Variants in UGDH observed in about 807,000 individuals in gnomAD.
UGDH encodes UDP-Glc dehydrogenase.
A neutral mutation model predicts 50.6 loss-of-function variants in UGDH; 38 were observed. The ratio of observed to expected loss-of-function variants is 0.75; its 90% CI spans 0.58 to 0.98. UGDH has a LOEUF of 0.98. Ranked by LOEUF, UGDH falls within the 50% of genes least tolerant of loss-of-function variation. The probability of loss-of-function intolerance (pLI) is 0.00; values close to 1 mark genes in which losing one functional copy is unlikely to be tolerated. For synonymous variants in UGDH, 168 were observed against 199.9 expected (o/e 0.84, Z 1.35); for missense variants, 465 against 606.2 (o/e 0.77, Z 2.45).
intron 2 of UGDH, among the ~76,000 whole-genome samples, chr4:39,520,845 G>T (rs145217440): frequency 0.016 from 2,395 of 151,664 alleles, 27 homozygotes; most frequent in South Asian, 0.037. Context: ...AGGCCGGGGC[G>T]GGCAGATCAC....
chr4:39,500,653 C>CT (rs11284301), intron 11 of UGDH, among the ~76,000 whole-genome samples: 21,951 of 135,112 alleles, frequency 0.16, 2,003 homozygotes, highest in Middle Eastern at 0.28. Context: ...GCATAATTCT[C>CT]TTTTTTTTTT....
At position 39,514,389 on chromosome 4, in the gene UGDH, G is replaced by T. The variant is rs1466293283; in HGVS notation, c.163-205C>A. Among the ~76,000 whole-genome samples the T allele has an allele frequency of 2.6e-5, 4 of 152,132 alleles. No homozygotes were observed. In the South Asian group the frequency reaches 8.3e-4, roughly 32 times the overall value. On this transcript the variant is annotated intron_variant, in intron 2 of 11. Transcript: ENST00000316423. The stretch of plus-strand genomic sequence containing the variant: ...ATCTCATTTTTTAAATAGGGACAGG[G>T]TCTCACTCTGTCACCCAGGCTGGAG...
intron 11 of UGDH, among the ~76,000 whole-genome samples, chr4:39,503,002 C>G (rs141841474): frequency 6.6e-6 from 1 of 152,108 alleles, no homozygotes; most frequent in Non-Finnish European, 1.5e-5. Flanking sequence ...CTGCAACCTC[C>G]GCCTCCCAGG....
At chr4:39,505,503 T>C (rs1261405810) in intron 8 of UGDH, 115 bp downstream of exon 8, 3 of 1,111,408 alleles carry the variant, frequency 2.7e-6, no homozygotes, top group Non-Finnish European at 3.5e-6. Flanking sequence ...TTTATTTTTA[T>C]TCTTTATATT....
At chr4:39,523,461 G>C (rs1335262126) in intron 1 of UGDH, among the ~76,000 whole-genome samples, 1 of 152,060 alleles carries the variant, frequency 6.6e-6, no homozygotes, top group African/African-American at 2.4e-5. Context: ...TATTCTATTT[G>C]AATCTGTATT....
intron 10 of UGDH, among the ~76,000 whole-genome samples, 157 bp downstream of exon 10, chr4:39,504,260 A>T (rs1277473444): frequency 1.3e-5 from 2 of 151,950 alleles, no homozygotes. Context: ...GTGAGCCGAG[A>T]TTGCGCCACT....
At chr4:39,514,870 T>C (rs1279467520) in intron 2 of UGDH, among the ~76,000 whole-genome samples, 1 of 151,988 alleles carries the variant, frequency 6.6e-6, no homozygotes, top group East Asian at 1.9e-4. Flanking sequence ...TTAGTAGAGA[T>C]GGGGTTTCAC....
intron 7 of UGDH, among the ~76,000 whole-genome samples, chr4:39,508,228 C>T (rs918601248): frequency 1.1e-4 from 16 of 152,116 alleles, no homozygotes; most frequent in Middle Eastern, 6.8e-3. Context: ...ATTATTATTG[C>T]TGTTACTATT....
intron 7 of UGDH, among the ~76,000 whole-genome samples, chr4:39,506,147 G>C (rs1746015616): frequency 6.6e-6 from 1 of 150,848 alleles, no homozygotes. Flanking sequence ...GGGATGGCTT[G>C]AGCACAGGAG....
intron 7 of UGDH, among the ~76,000 whole-genome samples, chr4:39,507,540 G>C (rs187440475): frequency 6.6e-6 from 1 of 152,258 alleles, no homozygotes; most frequent in East Asian, 1.9e-4. Context: ...CAACCCTCAA[G>C]TGATCTGTCC....
intron 7 of UGDH, 34 bp from the exon 8 acceptor site, chr4:39,505,782 T>C: frequency 6.3e-7 from 1 of 1,578,036 alleles, no homozygotes; most frequent in Non-Finnish European, 8.6e-7. Flanking sequence ...CAATGATTAG[T>C]TAAAAGAGGC....
At chr4:39,501,575 C>A (rs1745821925) in intron 11 of UGDH, among the ~76,000 whole-genome samples, 4 of 152,166 alleles carry the variant, frequency 2.6e-5, no homozygotes, top group African/African-American at 9.7e-5. Context: ...ACCCGGCCAG[C>A]ATAATTCTTA....
Position 39,503,961 on chromosome 4 carries a change from T to A in UGDH, c.1288A>T (p.Lys430Ter). ...FKELDYERIH[K>*]KMLKPAFIFD... Reference sequence around the variant, plus strand: ...ATAAAGGCTGGCTTTAGCATTTTTTTATGAATGCGTTCATAATCCAATTCC... The same window carrying A: ...ATAAAGGCTGGCTTTAGCATTTTTTAATGAATGCGTTCATAATCCAATTCC... The change falls in exon 11 of 12, where the codon AAA becomes TAA. Residue 430 changes from lysine (K) to a stop codon, truncating the protein, a stop_gained. Transcript: ENST00000316423. LOFTEE classifies it high-confidence loss of function. The A allele has an allele frequency of 6.2e-7, 1 of 1,614,140 alleles. No individual in the cohort carries two copies. Among genetic ancestry groups the A allele is most frequent in the Non-Finnish European group, 8.5e-7 (1 of 1,179,996 alleles).
chr4:39,513,045 C>T (rs566150866), intron 3 of UGDH, among the ~76,000 whole-genome samples: 6 of 152,014 alleles, frequency 3.9e-5, no homozygotes, highest in Non-Finnish European at 7.4e-5. Flanking sequence ...TATGCTCAAG[C>T]GATCCGCCTG....
At chr4:39,515,459 A>G (rs1746405265) in intron 2 of UGDH, among the ~76,000 whole-genome samples, 1 of 151,124 alleles carries the variant, frequency 6.6e-6, no homozygotes, top group East Asian at 1.9e-4. Flanking sequence ...TTAAATAAAT[A>G]TAAATTTTTC....
rs543016246 is a variant in UGDH, at chr4:39,499,985, G to A, written c.*158C>T. 2,316 of 471,888 alleles carry A rather than the reference G, an allele frequency of 4.9e-3. 11 individuals are homozygous for A. Among genetic ancestry groups the A allele is most frequent in the Non-Finnish European group, 6.2e-3 (1,636 of 261,788 alleles). 29.2% of individuals were successfully genotyped at this position (471,888 alleles called of 1,614,324 possible). A position where few individuals can be genotyped will look rare whatever the true frequency, so the allele number is the denominator to read the frequency against. Reference sequence around the variant, plus strand: ...GCAGAGCTTGCAGTGAGCCGAGATTGCACCACTGCACTCCAGCCTGGGCAA... The same window carrying A: ...GCAGAGCTTGCAGTGAGCCGAGATTACACCACTGCACTCCAGCCTGGGCAA... On this transcript the variant is annotated 3_prime_UTR_variant, in exon 12 of 12. Transcript: ENST00000316423.
Position 39,499,054 on chromosome 4 carries a change from T to C in UGDH, c.*1089A>G, listed in dbSNP as rs1486323759. 3 of 152,170 alleles carry C rather than the reference T, an allele frequency of 2.0e-5. No homozygotes were observed. Among genetic ancestry groups the C allele is most frequent in the Non-Finnish European group, 4.4e-5 (3 of 68,042 alleles). The allele number at this position is 152,170 out of a possible 1,614,324, so 9.4% of individuals were successfully genotyped here. ...AAAAATTCTTATTTTAGAATGATGC[T>C]ATATGTAACTTGTAAAATATTTAAG... is the stretch of plus-strand genomic sequence containing the variant. On this transcript the variant is annotated 3_prime_UTR_variant, in exon 12 of 12. Transcript: ENST00000316423.
chr4:39,516,792 G>A (rs1746455422), intron 2 of UGDH, among the ~76,000 whole-genome samples: 1 of 152,032 alleles, frequency 6.6e-6, no homozygotes, highest in African/African-American at 2.4e-5. Context: ...CACAGTAATG[G>A]GTTTCCTTGG....
At chr4:39,504,257 G>A (rs886458897) in intron 10 of UGDH, among the ~76,000 whole-genome samples, 160 bp downstream of exon 10, 4 of 151,544 alleles carry the variant, frequency 2.6e-5, no homozygotes, top group Admixed American at 1.3e-4. Context: ...GCAGTGAGCC[G>A]AGATTGCGCC....
Sources: gnomAD v4.1 joint callset for allele counts (sites outside exome capture counted in the v4.1 genomes callset) on GRCh38, gnomAD v4.1.1 for gene constraint, MANE v1.5 for transcripts, NCBI Gene and HGNC (gene_info 2026-07-23, HGNC 2026-07-21) for gene names.